LAMA4: variants seen among roughly 807,000 people sequenced by gnomAD.
The protein encoded by LAMA4 is laminin subunit alpha 4, also known as laminin subunit alpha-4.
In LAMA4, 127 loss-of-function variants were observed where a neutral mutation model predicts 207.1. That is an observed-to-expected ratio of 0.61 (90% CI 0.53 to 0.71). The LOEUF is 0.71. Among genes scored for constraint, LAMA4 ranks in the 30% least tolerant of loss-of-function variants. LAMA4 has a pLI of 0.00. For synonymous variants in LAMA4, 761 were observed against 816.0 expected, an observed-to-expected ratio of 0.93 and a Z score of 1.15; for missense variants, 2,093 against 2,246.5, an observed-to-expected ratio of 0.93 and a Z score of 1.38.
chr6:112,115,639 G>A (rs1777973102), intron 36 of LAMA4, among the ~76,000 whole-genome samples: 1 of 151,958 alleles, frequency 6.6e-6, no homozygotes, highest in African/African-American at 2.4e-5. Flanking sequence ...TGATTTTTTT[G>A]ATAGTTTTGC....
chr6:112,167,436 T>C (rs1781444277), intron 12 of LAMA4, among the ~76,000 whole-genome samples: 1 of 152,208 alleles, frequency 6.6e-6, no homozygotes, highest in South Asian at 2.1e-4. Context: ...AAGTTTGTTT[T>C]CTAAAACACA....
At chr6:112,132,982 A>G in intron 27 of LAMA4, 92 bp from the exon 28 acceptor site, 3 of 1,310,044 alleles carry the variant, frequency 2.3e-6, no homozygotes, top group Non-Finnish European at 3.3e-6. Context: ...CTTGCCTGTT[A>G]ATTTCTACGT....
At chr6:112,139,379 C>T (rs2114692023) in intron 23 of LAMA4, 88 bp from the exon 24 acceptor site, 2 of 1,361,640 alleles carry the variant, frequency 1.5e-6, no homozygotes, top group Non-Finnish European at 2.1e-6. Context: ...CTTCTAACAT[C>T]TTCTGTGGAC....
chr6:112,126,726 A>G (rs1778712435), intron 31 of LAMA4, among the ~76,000 whole-genome samples: 1 of 152,236 alleles, frequency 6.6e-6, no homozygotes, highest in South Asian at 2.1e-4. Context: ...GAAGGCAATC[A>G]GTTCTTCCCC....
At chr6:112,254,695 A>G (rs1363919895), upstream of LAMA4, 1 of 165,022 alleles carries the variant, frequency 6.1e-6, no homozygotes, top group Non-Finnish European at 1.3e-5. Flanking sequence ...GAGCCCCTCC[A>G]AGGGCTCCAG....
At chr6:112,150,804 C>A (rs1351153234) in intron 16 of LAMA4, among the ~76,000 whole-genome samples, 177 bp from the exon 17 acceptor site, 17 of 152,154 alleles carry the variant, frequency 1.1e-4, no homozygotes, top group Admixed American at 2.0e-4. Context: ...ATTCGAGGTA[C>A]AGAATTGCAG....
chr6:112,205,224 C>T (rs536389234), intron 4 of LAMA4, among the ~76,000 whole-genome samples: 7 of 152,304 alleles, frequency 4.6e-5, no homozygotes, highest in African/African-American at 9.6e-5. Context: ...AAAAATATAG[C>T]GGTATGTGTT....
intron 2 of LAMA4, among the ~76,000 whole-genome samples, chr6:112,229,963 T>C (rs1470784205): frequency 6.6e-6 from 1 of 152,236 alleles, no homozygotes; most frequent in Non-Finnish European, 1.5e-5. Context: ...ACGTTTCATA[T>C]GTGGGGAACA....
At chr6:112,206,536 C>T (rs1402275970) in intron 4 of LAMA4, among the ~76,000 whole-genome samples, 1 of 152,128 alleles carries the variant, frequency 6.6e-6, no homozygotes, top group African/African-American at 2.4e-5. Flanking sequence ...GAAAGTGTTC[C>T]TGTAAATCTT....
intron 12 of LAMA4, chr6:112,171,730 T>C (rs1375304394): frequency 6.6e-6 from 1 of 152,468 alleles, no homozygotes; most frequent in Non-Finnish European, 1.5e-5. Flanking sequence ...AAATATTGGC[T>C]AGGGGTTTGC....
chr6:112,122,322 T>C, intron 31 of LAMA4, 121 bp from the exon 32 acceptor site: 1 of 770,834 alleles, frequency 1.3e-6, no homozygotes, highest in South Asian at 1.6e-5. Context: ...TTTCCATTCA[T>C]GGAACATTAG....
At chr6:112,133,310 T>C (rs374994754) in intron 27 of LAMA4, 39 bp downstream of exon 27, 50 of 1,605,922 alleles carry the variant, frequency 3.1e-5, no homozygotes, top group Non-Finnish European at 3.8e-5. Flanking sequence ...GTGATAAGTA[T>C]TGTGTCTATT....
At chr6:112,113,627 A>G (rs1777834264) in intron 38 of LAMA4, among the ~76,000 whole-genome samples, 1 of 152,186 alleles carries the variant, frequency 6.6e-6, no homozygotes, top group Non-Finnish European at 1.5e-5. Context: ...ACAACAACTT[A>G]TGGTCTGCAG....
intron 2 of LAMA4, among the ~76,000 whole-genome samples, chr6:112,239,346 C>CCTGAGT (rs1337052638): frequency 1.6e-4 from 23 of 143,574 alleles, no homozygotes; most frequent in Non-Finnish European, 2.7e-4. Context: ...AAAAAAGAGA[C>CCTGAGT]CTGAGTCTGG....
At position 112,129,961 on chromosome 6, in the gene LAMA4, C is replaced by G; in HGVS notation, c.4048G>C (p.Glu1350Gln). The change falls in exon 30 of 39, where the codon GAA (glutamate) becomes CAA (glutamine). Residue 1350 changes from glutamate (E) to glutamine (Q), a missense_variant. By Grantham distance (29) the Glu-to-Gln change is conservative (BLOSUM62 2). This residue lies in a region of LAMA4 where 1,704 missense variants were observed against 1,788.4 expected (regional missense o/e 0.95). Coordinates refer to ENST00000230538, the MANE Select transcript of LAMA4 (RefSeq NM_001105206.3). ...GAGCCACCGAAGTAAAACTTCTTTT[C>G]ACTTGCTTGTGTCTGTTCTATTTTC... ...KGKIEQTQAS[E>Q]KKFYFGGSPI... is the part of the protein sequence containing the mutation. The G allele has an allele frequency of 6.2e-7, 1 of 1,613,048 alleles. No individual in the cohort carries two copies. Among genetic ancestry groups the G allele is most frequent in the Non-Finnish European group, 8.5e-7 (1 of 1,179,266 alleles).
Position 112,119,259 on chromosome 6 carries a change from C to T in LAMA4, c.4718G>A (p.Arg1573Gln), listed in dbSNP as rs191973184. 45 of 1,614,000 alleles carry T rather than the reference C, an allele frequency of 2.8e-5. No individual in the cohort carries two copies. Among genetic ancestry groups the T allele is most frequent in the Admixed American group, 2.7e-4 (16 of 60,016 alleles). ...AGGAGGAAGACTTTCTTCTAGGACT[C>T]GGAGACCATCAATTACCAGTCGGCC... ...SSGRLVIDGLRVLEESLPPTE... is the reference protein window; with the variant it reads ...SSGRLVIDGLQVLEESLPPTE... The change falls in exon 34 of 39, where the codon CGA (arginine) becomes CAA (glutamine). Residue 1573 changes from arginine (R) to glutamine (Q), a missense_variant. Arg to Gln is a conservative substitution (Grantham distance 43). Coordinates refer to ENST00000230538, the MANE Select transcript of LAMA4 (RefSeq NM_001105206.3).
intron 11 of LAMA4, among the ~76,000 whole-genome samples, chr6:112,173,173 A>G (rs1554342544): frequency 1.3e-5 from 2 of 152,168 alleles, no homozygotes; most frequent in Non-Finnish European, 2.9e-5. Flanking sequence ...AACCAAACTT[A>G]TCTTGTCGGT....
chr6:112,202,446 GT>G (rs1554352872), intron 4 of LAMA4, among the ~76,000 whole-genome samples: 1 of 91,376 alleles, frequency 1.1e-5, no homozygotes, highest in African/African-American at 7.9e-5. Context: ...GCATAGGGGT[GT>G]GTGTGTGTGT....
At chr6:112,182,868 C>T (rs192759064) in intron 9 of LAMA4, among the ~76,000 whole-genome samples, 2 of 152,254 alleles carry the variant, frequency 1.3e-5, no homozygotes, top group East Asian at 3.9e-4. Context: ...ATTTTCATTG[C>T]AGACAAGATC....
Sources: allele counts gnomAD v4.1 joint callset (sites outside exome capture counted in the v4.1 genomes callset), GRCh38; gene constraint gnomAD v4.1.1; regional missense constraint gnomAD v4.1.1; transcripts MANE v1.5; gene names NCBI Gene and HGNC (gene_info 2026-07-23, HGNC 2026-07-21).